Variants in DISP1 observed in about 807,000 individuals in gnomAD.
DISP1 encodes protein dispatched homolog 1.
DISP1 carries 30 observed loss-of-function variants against 37.3 expected under a neutral mutation model. The ratio of observed to expected loss-of-function variants is 0.80; its 90% confidence interval spans 0.60 to 1.09. The LOEUF is 1.09. Ranked by LOEUF, DISP1 falls within the 50% of genes least tolerant of loss-of-function variation. DISP1 has a pLI of 0.00. For missense variants in DISP1, 1,598 were observed against 1,879.5 expected (o/e 0.85, Z 2.77); for synonymous variants, 634 against 690.2 (o/e 0.92, Z 1.28).
chr1:222,989,409 G>A (rs938991241), intron 4 of DISP1: 2 of 985,378 alleles, frequency 2.0e-6, no homozygotes, highest in Non-Finnish European at 2.4e-6. Flanking sequence ...AAAACGTTCA[G>A]TTTAGTCAGC....
chr1:222,829,795 T>C, intron 1 of DISP1, among the ~76,000 whole-genome samples: 1 of 152,306 alleles, frequency 6.6e-6, no homozygotes, highest in African/African-American at 2.4e-5. Context: ...TATTTTTTCA[T>C]ATATTCTTAT....
chr1:222,933,149 T>C (rs978405484), intron 2 of DISP1, among the ~76,000 whole-genome samples: 5 of 151,974 alleles, frequency 3.3e-5, no homozygotes, highest in Non-Finnish European at 7.4e-5. Context: ...ATGGCAGATA[T>C]ACTGCAATAT....
chr1:222,960,630 T>C (rs755398205), intron 3 of DISP1, among the ~76,000 whole-genome samples: 24 of 151,514 alleles, frequency 1.6e-4, no homozygotes, highest in Admixed American at 7.2e-4. Context: ...CAGAGCAGAA[T>C]TGAAGAAGAT....
intron 2 of DISP1, among the ~76,000 whole-genome samples, chr1:222,940,399 G>C (rs1271717912): frequency 5.3e-5 from 8 of 151,958 alleles, no homozygotes; most frequent in Non-Finnish European, 1.0e-4. Context: ...GCACAAAGAG[G>C]GAAATCTAGC....
At chr1:222,953,008 CATCTT>C (rs1359046219) in intron 3 of DISP1, among the ~76,000 whole-genome samples, 1 of 152,176 alleles carries the variant, frequency 6.6e-6, no homozygotes, top group Non-Finnish European at 1.5e-5. Context: ...CAAAAACTAT[CATCTT>C]ATTTAGTTTA....
intron 1 of DISP1, among the ~76,000 whole-genome samples, chr1:222,871,126 CTCTGT>C (rs1669544662): frequency 6.7e-6 from 1 of 148,980 alleles, no homozygotes; most frequent in Non-Finnish European, 1.5e-5. Flanking sequence ...TTTCTAAGGG[CTCTGT>C]TCTGTTCCAT....
At chr1:222,966,872 A>C (rs1348959938) in intron 3 of DISP1, among the ~76,000 whole-genome samples, 1 of 152,152 alleles carries the variant, frequency 6.6e-6, no homozygotes, top group Non-Finnish European at 1.5e-5. Context: ...TCCCCCCACC[A>C]CCAATCTTAA....
chr1:222,853,918 A>C (rs966315823), intron 1 of DISP1, among the ~76,000 whole-genome samples: 35 of 152,356 alleles, frequency 2.3e-4, no homozygotes, highest in African/African-American at 7.7e-4. Context: ...CAAAGAAATG[A>C]TAAATGTTAG....
At chr1:222,836,115 G>A (rs984269690) in intron 1 of DISP1, among the ~76,000 whole-genome samples, 3 of 152,102 alleles carry the variant, frequency 2.0e-5, no homozygotes, top group Non-Finnish European at 4.4e-5. Context: ...GGGCACACTT[G>A]GTACTAGAAT....
chr1:222,819,533 CAT>C (rs869141930), intron 1 of DISP1, among the ~76,000 whole-genome samples: 23,701 of 142,504 alleles, frequency 0.17, 2,175 homozygotes, highest in South Asian at 0.26. Context: ...CACACACACA[CAT>C]ATCTTTTTTT....
intron 1 of DISP1, among the ~76,000 whole-genome samples, chr1:222,915,813 C>G (rs1672466996): frequency 6.6e-6 from 1 of 152,196 alleles, no homozygotes; most frequent in Non-Finnish European, 1.5e-5. Context: ...ACTCAGAACT[C>G]TGATACCATG....
At chr1:222,844,743 C>G (rs1241854369) in intron 1 of DISP1, among the ~76,000 whole-genome samples, 1 of 152,030 alleles carries the variant, frequency 6.6e-6, no homozygotes, top group Admixed American at 6.6e-5. Flanking sequence ...AGCATTGTGC[C>G]ATGTGACAAG....
intron 1 of DISP1, among the ~76,000 whole-genome samples, chr1:222,873,080 A>C (rs75506738): frequency 2.4e-4 from 37 of 151,900 alleles, no homozygotes; most frequent in Admixed American, 1.2e-3. Flanking sequence ...GTAGTTGAGC[A>C]GTTTTGAGTG....
chr1:222,882,788 ATGT>A (rs750725005), intron 1 of DISP1, among the ~76,000 whole-genome samples: 56 of 152,306 alleles, frequency 3.7e-4, no homozygotes, highest in Middle Eastern at 3.4e-3. Flanking sequence ...CTGGAAATAA[ATGT>A]TGATGACAAT....
At chr1:222,977,642 G>C (rs1052549909) in intron 3 of DISP1, among the ~76,000 whole-genome samples, 2 of 149,632 alleles carry the variant, frequency 1.3e-5, no homozygotes, top group African/African-American at 4.9e-5. Context: ...CCATTAACTC[G>C]TCATTTAACA....
intron 3 of DISP1, among the ~76,000 whole-genome samples, chr1:222,962,092 C>T (rs112060763): frequency 6.6e-6 from 1 of 151,994 alleles, no homozygotes; most frequent in African/African-American, 2.4e-5. Context: ...AAAGTCTCAG[C>T]ATACAAAATC....
intron 1 of DISP1, among the ~76,000 whole-genome samples, chr1:222,904,074 C>T (rs1419320492): frequency 3.3e-5 from 5 of 152,170 alleles, no homozygotes; most frequent in Admixed American, 2.6e-4. Flanking sequence ...AAATAGTCTT[C>T]TTATTCATTT....
intron 1 of DISP1, among the ~76,000 whole-genome samples, chr1:222,876,530 G>A (rs537100523): frequency 6.6e-6 from 1 of 152,274 alleles, no homozygotes; most frequent in East Asian, 1.9e-4. Context: ...CATCGAAAAA[G>A]AAGAGGTAAA....
At chr1:222,906,239 G>A (rs1671880384) in intron 1 of DISP1, among the ~76,000 whole-genome samples, 1 of 152,098 alleles carries the variant, frequency 6.6e-6, no homozygotes. Context: ...TAAGTTATAA[G>A]AAGACCAGGA....
Sources: gnomAD v4.1 joint callset for allele counts (sites outside exome capture counted in the v4.1 genomes callset) on GRCh38, gnomAD v4.1.1 for gene constraint, MANE v1.5 for transcripts, NCBI Gene and HGNC (gene_info 2026-07-23, HGNC 2026-07-21) for gene names.